Variants in SAMMSON observed in about 807,000 individuals in gnomAD.
SAMMSON encodes survival associated mitochondrial melanoma specific oncogenic non-coding RNA.
chr3:70,142,781 C>T (rs983507723), intron 4 of SAMMSON, among the ~76,000 whole-genome samples: 1 of 152,130 alleles, frequency 6.6e-6, no homozygotes, highest in Admixed American at 6.6e-5. Flanking sequence ...GCACTATGCT[C>T]ATTCTTAAGG....
chr3:70,385,235 G>A (rs182133507), intron 9 of SAMMSON, among the ~76,000 whole-genome samples: 67 of 151,976 alleles, frequency 4.4e-4, no homozygotes, highest in Non-Finnish European at 6.6e-4. Flanking sequence ...TAATTTTTTC[G>A]TGAAGATTAA....
intron 2 of SAMMSON, among the ~76,000 whole-genome samples, chr3:70,400,694 C>T (rs71298341): frequency 0.12 from 17,721 of 152,008 alleles, 1,097 homozygotes; most frequent in Admixed American, 0.13. Flanking sequence ...CACTTTGGAG[C>T]GTGAGGTGGG....
chr3:70,281,400 A>G lies in SAMMSON; in HGVS notation n.675-9779A>G, dbSNP rs1446045283. Among the ~76,000 whole-genome samples, 5 of 152,186 alleles carry G rather than the reference A, an allele frequency of 3.3e-5. No individual in the cohort carries two copies. The East Asian group carries it at 9.6e-4, about 29-fold the overall frequency. ...GGGTACGATCATAAGCTTCAGAATT[A>G]AACCCCGTTTTCTAGAATTCTGTCT... On this transcript the variant is annotated intron_variant and non_coding_transcript_variant, in intron 6 of 9. Coordinates refer to ENST00000642114, the Ensembl canonical transcript of SAMMSON.
At chr3:70,248,577 T>C (rs1462827120) in intron 4 of SAMMSON, among the ~76,000 whole-genome samples, 1 of 152,024 alleles carries the variant, frequency 6.6e-6, no homozygotes, top group African/African-American at 2.4e-5. Flanking sequence ...AGAAAGAGAA[T>C]GTTGGCAGCA....
At chr3:70,121,425 C>T (rs2067432598) in intron 4 of SAMMSON, among the ~76,000 whole-genome samples, 1 of 152,002 alleles carries the variant, frequency 6.6e-6, no homozygotes, top group Admixed American at 6.6e-5. Context: ...TGGGCCCATA[C>T]TGTACTGTAT....
At chr3:70,119,788 C>T (rs1284352434) in intron 4 of SAMMSON, among the ~76,000 whole-genome samples, 4 of 152,046 alleles carry the variant, frequency 2.6e-5, no homozygotes, top group Admixed American at 6.6e-5. Flanking sequence ...TATACATGTG[C>T]ATTTTTGTGG....
chr3:70,366,208 T>C lies in SAMMSON; in HGVS notation n.913+7884T>C, dbSNP rs1259999047. 4.6e-5 allele frequency among the ~76,000 whole-genome samples: 5 copies of C among 107,536 alleles called. 2 individuals are homozygous for C. The highest frequency in any genetic ancestry group is 1.7e-4 in the African/African-American group (5 of 29,310). The allele number at this position is 107,536 out of a possible 152,430, so 70.5% of individuals were successfully genotyped here. On this transcript the variant is annotated intron_variant and non_coding_transcript_variant, in intron 9 of 9. Transcript: ENST00000642114. ...GGTTTCACCTTGTTAGCCAGGATGGTCTCGATCTCCTGACCTCATGATCCA... is the reference window on the plus strand; with the variant it reads ...GGTTTCACCTTGTTAGCCAGGATGGCCTCGATCTCCTGACCTCATGATCCA...
At chr3:70,057,085 A>G (rs2067170634) in intron 3 of SAMMSON, among the ~76,000 whole-genome samples, 1 of 152,078 alleles carries the variant, frequency 6.6e-6, no homozygotes, top group South Asian at 2.1e-4. Context: ...AAAGAGAAAA[A>G]GAAATAGTTT....
At chr3:70,182,850 C>G (rs907136697) in intron 4 of SAMMSON, among the ~76,000 whole-genome samples, 5 of 152,040 alleles carry the variant, frequency 3.3e-5, no homozygotes, top group Non-Finnish European at 5.9e-5. Context: ...CTTTGTAACC[C>G]TTTTTGGTTC....
chr3:70,132,663 T>C (rs527902259), intron 4 of SAMMSON, among the ~76,000 whole-genome samples: 52 of 151,698 alleles, frequency 3.4e-4, no homozygotes, highest in African/African-American at 1.3e-3. Context: ...AACCTTGGGT[T>C]GGGTGTGGTG....
At chr3:70,215,260 C>T (rs1701395380) in intron 4 of SAMMSON, among the ~76,000 whole-genome samples, 1 of 152,086 alleles carries the variant, frequency 6.6e-6, no homozygotes, top group East Asian at 1.9e-4. Flanking sequence ...GATTACCCCG[C>T]TGGTAAGGGG....
intron 2 of SAMMSON, among the ~76,000 whole-genome samples, chr3:70,429,285 G>A (rs766280371): frequency 6.6e-6 from 1 of 152,108 alleles, no homozygotes; most frequent in Admixed American, 6.5e-5. Flanking sequence ...CAGATGTGTG[G>A]TGTTATTTCT....
rs567826574 is a variant in SAMMSON at position 70,273,073 on chromosome 3, G to T, written n.675-18106G>T. ...CCTACCTGTTGTCAAGGGAAGTTCA[G>T]CCAGTGACCCAAGTTTTGTCTGGGA... is the stretch of plus-strand genomic sequence containing the variant. On this transcript the variant is annotated intron_variant and non_coding_transcript_variant, in intron 6 of 9. Coordinates refer to ENST00000642114, the Ensembl canonical transcript of SAMMSON. Among the ~76,000 whole-genome samples the T allele has an allele frequency of 1.3e-5, 2 of 152,266 alleles. 1 individual carries two copies. Among genetic ancestry groups the T allele is most frequent in the South Asian group, 4.1e-4 (2 of 4,826 alleles).
chr3:70,198,034 G>C (rs1034660999), intron 4 of SAMMSON, among the ~76,000 whole-genome samples: 2 of 152,128 alleles, frequency 1.3e-5, no homozygotes, highest in African/African-American at 4.8e-5. Flanking sequence ...AGAAGATGTA[G>C]CAGTTCTCTT....
intron 6 of SAMMSON, among the ~76,000 whole-genome samples, chr3:70,289,126 C>G (rs1215320614): frequency 6.6e-5 from 10 of 150,832 alleles, no homozygotes; most frequent in Admixed American, 5.9e-4. Context: ...TGATTTTGCT[C>G]GTTAGTTGAT....
At chr3:70,357,786 G>A (rs985593040) in intron 8 of SAMMSON, among the ~76,000 whole-genome samples, 3 of 152,044 alleles carry the variant, frequency 2.0e-5, no homozygotes, top group African/African-American at 4.8e-5. Flanking sequence ...AAGCATGAAA[G>A]TGACACATAA....
chr3:70,342,221 T>C (rs1211788885), intron 7 of SAMMSON, among the ~76,000 whole-genome samples: 4 of 152,178 alleles, frequency 2.6e-5, no homozygotes, highest in African/African-American at 7.2e-5. Flanking sequence ...GATGACAGAA[T>C]GCACTGTTTT....
intron 3 of SAMMSON, chr3:70,030,785 A>G (rs1449946050): frequency 1.3e-5 from 2 of 152,244 alleles, no homozygotes; most frequent in African/African-American, 2.4e-5. Flanking sequence ...ACACATATGA[A>G]AAGATGCTCA....
intron 4 of SAMMSON, among the ~76,000 whole-genome samples, chr3:70,248,197 T>C (rs1239327979): frequency 6.6e-6 from 1 of 152,064 alleles, no homozygotes; most frequent in African/African-American, 2.4e-5. Flanking sequence ...AAGTAAATAA[T>C]TGCAAAGCAT....
Sources: gnomAD v4.1 joint callset for allele counts (sites outside exome capture counted in the v4.1 genomes callset) on GRCh38, gnomAD v4.1.1 for gene constraint, MANE v1.5 for transcripts, NCBI Gene and HGNC (gene_info 2026-07-23, HGNC 2026-07-21) for gene names.